CHODL: variants seen among roughly 807,000 people sequenced by gnomAD.
The protein encoded by CHODL is chondrolectin.
In CHODL, 29 loss-of-function variants were observed where a neutral mutation model predicts 34.5. The ratio of observed to expected loss-of-function variants is 0.84; its 90% confidence interval spans 0.63 to 1.15. The LOEUF (loss-of-function observed/expected upper bound fraction) is 1.15, where lower values mean the gene tolerates loss of function less well. CHODL is among the 50% of genes most tolerant of loss of function. The pLI is 0.00. For missense variants in CHODL, 332 were observed against 332.5 expected, an observed-to-expected ratio of 1.00 and a Z score of 0.01; for synonymous variants, 125 against 116.1, an observed-to-expected ratio of 1.08 and a Z score of -0.49.
At chr21:18,174,157 A>ATAAAATATG (rs2073275063) in intron 2 of CHODL, among the ~76,000 whole-genome samples, 1 of 88,222 alleles carries the variant, frequency 1.1e-5, no homozygotes, top group African/African-American at 3.8e-5. Context: ...ATATATATAT[A>ATAAAATATG]TATAAAATCA....
At chr21:18,019,696 T>C (rs158050) in intron 1 of CHODL, among the ~76,000 whole-genome samples, 2,406 of 152,312 alleles carry the variant, frequency 0.016, 69 homozygotes, top group African/African-American at 0.054. Context: ...AGTGATGTAT[T>C]AACTAATTTT....
intron 2 of CHODL, among the ~76,000 whole-genome samples, chr21:18,050,982 GGTTT>G (rs1363184981): frequency 6.6e-6 from 1 of 151,308 alleles, no homozygotes; most frequent in Non-Finnish European, 1.5e-5. Flanking sequence ...AGAACGTGTA[GGTTT>G]GTTACATAGG....
In CHODL at chr21:18,236,662, C is replaced by T. The variant is rs73316297; in HGVS notation, c.-44-19847C>T. Among the ~76,000 whole-genome samples, 62 of 152,020 alleles carry T rather than the reference C, an allele frequency of 4.1e-4. 1 individual carries two copies. The highest frequency in any genetic ancestry group is 3.5e-3 in the Admixed American group (54 of 15,232). The stretch of plus-strand genomic sequence containing the variant: ...AGCTCAGAAAGTGAGCAGGCAGTTT[C>T]ATAATTCAAAAAATTTTGCAAAATT... On this transcript the variant is annotated intron_variant, in intron 2 of 6. Coordinates refer to the CHODL transcript ENST00000400127.
At chr21:18,226,175 A>C (rs1001530664) in intron 2 of CHODL, among the ~76,000 whole-genome samples, 7 of 152,176 alleles carry the variant, frequency 4.6e-5, no homozygotes, top group Admixed American at 3.9e-4. Flanking sequence ...TGAAGTGTAT[A>C]ATTTTCACAG....
chr21:18,211,440 A>G (rs1421060116), intron 2 of CHODL, among the ~76,000 whole-genome samples: 1 of 152,198 alleles, frequency 6.6e-6, no homozygotes, highest in African/African-American at 2.4e-5. Context: ...AAAACAATCA[A>G]TGGCCCAGCA....
intron 2 of CHODL, among the ~76,000 whole-genome samples, chr21:18,182,185 G>A (rs1436448429): frequency 6.6e-6 from 1 of 151,922 alleles, no homozygotes; most frequent in East Asian, 1.9e-4. Context: ...AGCAACATAC[G>A]GTATCAATTT....
chr21:18,104,975 G>T (rs894327997), intron 2 of CHODL, among the ~76,000 whole-genome samples: 1 of 152,194 alleles, frequency 6.6e-6, no homozygotes. Flanking sequence ...ATATGTCATT[G>T]TTTGGCTGCC....
At chr21:18,085,996 ACT>A (rs1187902267) in intron 2 of CHODL, among the ~76,000 whole-genome samples, 7 of 136,772 alleles carry the variant, frequency 5.1e-5, no homozygotes, top group African/African-American at 1.1e-4. Flanking sequence ...ATAATTTGTA[ACT>A]CTGATTGTTT....
chr21:18,111,621 G>A (rs560085459), intron 2 of CHODL, among the ~76,000 whole-genome samples: 1 of 152,094 alleles, frequency 6.6e-6, no homozygotes, highest in Non-Finnish European at 1.5e-5. Flanking sequence ...CACAAAGTGG[G>A]TATGCCATTT....
At chr21:18,104,989 C>A (rs1007126955) in intron 2 of CHODL, among the ~76,000 whole-genome samples, 1 of 152,212 alleles carries the variant, frequency 6.6e-6, no homozygotes, top group African/African-American at 2.4e-5. Flanking sequence ...GGCTGCCCAG[C>A]AGCTGACCTC....
intron 2 of CHODL, among the ~76,000 whole-genome samples, chr21:18,162,415 C>G (rs957499701): frequency 1.4e-5 from 2 of 142,668 alleles, no homozygotes; most frequent in African/African-American, 5.4e-5. Context: ...GGTGTTTTCT[C>G]TCTCTCTCTC....
chr21:18,065,661 C>T (rs2064723072), intron 2 of CHODL, among the ~76,000 whole-genome samples: 1 of 152,060 alleles, frequency 6.6e-6, no homozygotes, highest in East Asian at 1.9e-4. Flanking sequence ...TGAAGAAGCT[C>T]CGGAGAAGAA....
intron 1 of CHODL, among the ~76,000 whole-genome samples, chr21:17,924,060 A>C (rs535743231): frequency 6.6e-6 from 1 of 152,098 alleles, no homozygotes; most frequent in Non-Finnish European, 1.5e-5. Context: ...AGAGTGTCTG[A>C]TATTTGGCTC....
In CHODL at chr21:18,267,069, A is replaced by T. The variant is rs535499176; in HGVS notation, c.*1031A>T. The T allele has an allele frequency of 5.3e-5, 8 of 152,224 alleles. No homozygotes were observed. The highest frequency in any genetic ancestry group is 2.1e-4 in the South Asian group (1 of 4,834). The allele number at this position is 152,224 out of a possible 1,614,324, so 9.4% of individuals were successfully genotyped here. ...CCTCTGACTATATTAGTATACAAAG[A>T]GGTCATGTGGTTGAGACCAGGTGAA... On this transcript the variant is annotated 3_prime_UTR_variant, in exon 6 of 6. Coordinates refer to ENST00000299295, the MANE Select transcript of CHODL (RefSeq NM_024944.3).
At chr21:18,263,003 A>C in intron 5 of CHODL, 110 bp downstream of exon 5, 1 of 638,196 alleles carries the variant, frequency 1.6e-6, no homozygotes, top group Non-Finnish European at 2.7e-6. Context: ...TCCTTAAGAA[A>C]TCCTATACAT....
At chr21:18,055,463 G>T (rs984029231) in intron 2 of CHODL, among the ~76,000 whole-genome samples, 6 of 152,004 alleles carry the variant, frequency 3.9e-5, no homozygotes, top group African/African-American at 1.4e-4. Flanking sequence ...ACTACAAAAA[G>T]CTTCCAAGTA....
intron 2 of CHODL, among the ~76,000 whole-genome samples, chr21:18,037,098 C>T (rs973230915): frequency 1.3e-5 from 2 of 151,842 alleles, no homozygotes; most frequent in Admixed American, 6.6e-5. Context: ...AACATATTTT[C>T]ACAATATCAG....
chr21:18,264,110 G>A (rs1453231149), intron 5 of CHODL, among the ~76,000 whole-genome samples: 1 of 151,986 alleles, frequency 6.6e-6, no homozygotes, highest in African/African-American at 2.4e-5. Flanking sequence ...ATTTTAAAAG[G>A]GTAATGGTCA....
intron 2 of CHODL, among the ~76,000 whole-genome samples, chr21:18,056,408 A>G (rs1442228258): frequency 6.6e-6 from 1 of 150,864 alleles, no homozygotes; most frequent in East Asian, 1.9e-4. Context: ...AATTTGTAGA[A>G]TCTTTTCTTT....
Sources: allele counts gnomAD v4.1 joint callset (sites outside exome capture counted in the v4.1 genomes callset), GRCh38; gene constraint gnomAD v4.1.1; transcripts MANE v1.5; gene names NCBI Gene and HGNC (gene_info 2026-07-23, HGNC 2026-07-21).